GRIP1: variants seen among roughly 807,000 people sequenced by gnomAD.
GRIP1 encodes the protein glutamate receptor interacting protein 1.
In GRIP1, 45 loss-of-function variants were observed where a neutral mutation model predicts 129.9. That is an observed-to-expected ratio of 0.35 (90% CI 0.27 to 0.44). The LOEUF is 0.44. Among genes scored for constraint, GRIP1 ranks in the 20% least tolerant of loss-of-function variants. The probability of loss-of-function intolerance (pLI) is 1.00; values close to 1 mark genes in which losing one functional copy is unlikely to be tolerated. For synonymous variants in GRIP1, 530 were observed against 520.8 expected, an observed-to-expected ratio of 1.02 and a Z score of -0.24; for missense variants, 1,196 against 1,396.8, an observed-to-expected ratio of 0.86 and a Z score of 2.29.
chr12:66,853,649 C>T (rs1428105797), intron 1 of GRIP1, among the ~76,000 whole-genome samples: 1 of 152,020 alleles, frequency 6.6e-6, no homozygotes, highest in Admixed American at 6.6e-5. Context: ...ATGTCTTTTT[C>T]TCACTTATAC....
chr12:66,642,421 G>A (rs992312147), intron 1 of GRIP1, among the ~76,000 whole-genome samples: 3 of 152,146 alleles, frequency 2.0e-5, no homozygotes, highest in African/African-American at 7.2e-5. Flanking sequence ...GTGCATGTGT[G>A]TGTGTGTGTG....
intron 1 of GRIP1, among the ~76,000 whole-genome samples, chr12:66,877,449 A>G (rs1337371788): frequency 6.6e-6 from 1 of 152,090 alleles, no homozygotes; most frequent in Non-Finnish European, 1.5e-5. Flanking sequence ...CATACAATAA[A>G]GAAATTCTGG....
intron 1 of GRIP1, among the ~76,000 whole-genome samples, chr12:67,054,282 G>A (rs781032266): frequency 5.3e-5 from 8 of 152,158 alleles, no homozygotes; most frequent in Non-Finnish European, 1.2e-4. Context: ...TTATTTAACA[G>A]ATATTTACTA....
intron 1 of GRIP1, among the ~76,000 whole-genome samples, chr12:66,903,666 C>G (rs935702082): frequency 2.0e-5 from 3 of 152,102 alleles, no homozygotes; most frequent in African/African-American, 7.2e-5. Context: ...TACATTTTCT[C>G]TTTAAAGTCT....
At chr12:66,508,822 C>T (rs997284669) in intron 7 of GRIP1, among the ~76,000 whole-genome samples, 2 of 152,166 alleles carry the variant, frequency 1.3e-5, no homozygotes, top group South Asian at 2.1e-4. Flanking sequence ...TACTGACTGC[C>T]GTCTGTGGTT....
intron 2 of GRIP1, among the ~76,000 whole-genome samples, chr12:66,576,416 TAA>T (rs969408418): frequency 2.6e-5 from 4 of 152,254 alleles, no homozygotes; most frequent in African/African-American, 9.6e-5. Context: ...AATTTGAAGC[TAA>T]TTCATTGCTA....
chr12:66,601,723 C>T (rs2064286606), intron 1 of GRIP1, among the ~76,000 whole-genome samples: 1 of 152,148 alleles, frequency 6.6e-6, no homozygotes, highest in African/African-American at 2.4e-5. Context: ...AGAGAGGAGA[C>T]AGGCAGGGCA....
chr12:66,787,545 G>A (rs1435000701), intron 1 of GRIP1, among the ~76,000 whole-genome samples: 3 of 152,218 alleles, frequency 2.0e-5, no homozygotes, highest in South Asian at 4.1e-4. Flanking sequence ...TGAAGCCTTG[G>A]GGAGGTGATT....
chr12:66,392,451 T>C lies in GRIP1; in HGVS notation c.2321A>G (p.Asp774Gly). Reference sequence around the variant, plus strand: ...GGAGTCCTCCTCCACATCCCCCAGGTCACTCAAATGGCTAGAAATAGGGAA... The same window carrying C: ...GGAGTCCTCCTCCACATCCCCCAGGCCACTCAAATGGCTAGAAATAGGGAA... ...KKFPISSHLS[D>G]LGDVEEDSSP... Residue 774 changes from aspartate (D) to glycine (G), a missense_variant, in exon 19 of 25, where the codon GAC (aspartate) becomes GGC (glycine). Asp to Gly is a moderately conservative substitution (Grantham distance 94). This residue lies in a region of GRIP1 where 427 missense variants were observed against 463.3 expected (regional missense o/e 0.92). Transcript: ENST00000359742. 6.2e-7 allele frequency: 1 copy of C among 1,614,110 alleles called. No individual in the cohort carries two copies. Among genetic ancestry groups the C allele is most frequent in the East Asian group, 2.2e-5 (1 of 44,880 alleles).
At chr12:66,873,739 C>G (rs2040335683) in intron 1 of GRIP1, among the ~76,000 whole-genome samples, 1 of 152,010 alleles carries the variant, frequency 6.6e-6, no homozygotes, top group East Asian at 1.9e-4. Context: ...CTTGAAAAAT[C>G]TTGCATTTGC....
chr12:66,790,840 A>C (rs1035669626), intron 1 of GRIP1, among the ~76,000 whole-genome samples: 9 of 152,126 alleles, frequency 5.9e-5, no homozygotes, highest in African/African-American at 1.7e-4. Context: ...GAGATAGCCC[A>C]GGAAGAATTC....
chr12:66,766,256 T>C (rs1269844317), intron 1 of GRIP1, among the ~76,000 whole-genome samples: 3 of 152,144 alleles, frequency 2.0e-5, no homozygotes, highest in African/African-American at 4.8e-5. Context: ...GGTAGAGATA[T>C]CTGGGGAGTC....
intron 11 of GRIP1, among the ~76,000 whole-genome samples, 161 bp downstream of exon 11, chr12:66,455,248 A>G (rs753369813): frequency 6.6e-6 from 1 of 152,200 alleles, no homozygotes; most frequent in South Asian, 2.1e-4. Context: ...GATACTGGGT[A>G]TCGTGTCAAC....
intron 1 of GRIP1, among the ~76,000 whole-genome samples, chr12:67,060,824 C>CA (rs11300344): frequency 0.094 from 9,860 of 104,652 alleles, 424 homozygotes; most frequent in East Asian, 0.14. Flanking sequence ...AACTCCGTCT[C>CA]AAAAAAAAAA....
At chr12:66,716,736 C>A (rs2136426283) in intron 1 of GRIP1, among the ~76,000 whole-genome samples, 1 of 152,088 alleles carries the variant, frequency 6.6e-6, no homozygotes, top group African/African-American at 2.4e-5. Flanking sequence ...CCAGGTGTGT[C>A]ACCACAGGTG....
intron 2 of GRIP1, among the ~76,000 whole-genome samples, chr12:66,564,701 C>G (rs956109411): frequency 6.6e-6 from 1 of 152,192 alleles, no homozygotes; most frequent in African/African-American, 2.4e-5. Flanking sequence ...GGAATCGCCA[C>G]ACTGTCTTCC....
upstream of GRIP1, among the ~76,000 whole-genome samples, chr12:66,682,772 C>G (rs1038947215): frequency 1.3e-5 from 2 of 152,022 alleles, no homozygotes; most frequent in Non-Finnish European, 1.5e-5. Flanking sequence ...TTGCAAAAAA[C>G]CAAAACAATG....
intron 1 of GRIP1, among the ~76,000 whole-genome samples, chr12:66,919,914 A>G (rs936556230): frequency 3.9e-5 from 6 of 152,186 alleles, no homozygotes; most frequent in African/African-American, 1.4e-4. Context: ...TTATAGATGT[A>G]CTTATCTGTA....
At chr12:66,878,391 G>C (rs907275486) in intron 1 of GRIP1, among the ~76,000 whole-genome samples, 1 of 152,006 alleles carries the variant, frequency 6.6e-6, no homozygotes, top group African/African-American at 2.4e-5. Flanking sequence ...AAAAAGAAGA[G>C]CTTTCATAAG....
Sources: allele counts gnomAD v4.1 joint callset (sites outside exome capture counted in the v4.1 genomes callset), GRCh38; gene constraint gnomAD v4.1.1; regional missense constraint gnomAD v4.1.1; transcripts MANE v1.5; gene names NCBI Gene and HGNC (gene_info 2026-07-23, HGNC 2026-07-21).